ZBTB38: variants seen among roughly 807,000 people sequenced by gnomAD.
ZBTB38 encodes zinc finger and BTB domain-containing protein 38.
Under a neutral mutation model 76.8 loss-of-function variants are expected in ZBTB38, and 20 were observed. That is an observed-to-expected ratio of 0.26 (90% CI 0.18 to 0.38). The LOEUF (loss-of-function observed/expected upper bound fraction) is 0.38. Ranked by LOEUF, ZBTB38 falls within the 10% of genes least tolerant of loss-of-function variation. ZBTB38 has a pLI of 1.00. For missense variants in ZBTB38, 1,082 were observed against 1,482.3 expected (o/e 0.73, Z 4.43); for synonymous variants, 504 against 544.2 (o/e 0.93, Z 1.03).
In ZBTB38 at chr3:141,421,240, A is replaced by G. The variant is rs577791083; in HGVS notation, c.-1+17209A>G. On this transcript the variant is annotated intron_variant, in intron 5 of 5. Transcript: ENST00000321464. Reference sequence around the variant, plus strand: ...ATCTGCCATTTGAGGAGTATGGCATAATAAGCCATGTGGAACCAGGAGTCT... The same window carrying G: ...ATCTGCCATTTGAGGAGTATGGCATGATAAGCCATGTGGAACCAGGAGTCT... 4.6e-5 allele frequency among the ~76,000 whole-genome samples: 7 copies of G among 151,678 alleles called. No homozygotes were observed. The East Asian group carries it at 1.4e-3, about 29-fold the overall frequency.
At chr3:141,377,676 G>A (rs77753509) in intron 2 of ZBTB38, among the ~76,000 whole-genome samples, 3,156 of 152,288 alleles carry the variant, frequency 0.021, 125 homozygotes, top group East Asian at 0.18. Flanking sequence ...AGCTTTATTT[G>A]TAATACCTAA....
chr3:141,342,557 A>G (rs1943229523), intron 1 of ZBTB38, among the ~76,000 whole-genome samples: 1 of 152,136 alleles, frequency 6.6e-6, no homozygotes, highest in Non-Finnish European at 1.5e-5. Flanking sequence ...TGGATTAGGC[A>G]GTTAGGAGAA....
rs1176720927 is a variant in ZBTB38, at chr3:141,447,522, C to T, written c.*1546C>T. ...GAACTCATGATTCTTTTTCAAACTG[C>T]CAGAATAGAAGGGAGAGAGAAAACA... On this transcript the variant is annotated 3_prime_UTR_variant, in exon 6 of 6. Transcript: ENST00000321464. 1 of 152,530 alleles carries T rather than the reference C, an allele frequency of 6.6e-6. No individual in the cohort carries two copies. The highest frequency in any genetic ancestry group is 2.4e-5 in the African/African-American group (1 of 41,386). 9.4% of individuals were successfully genotyped at this position (152,530 alleles called of 1,614,324 possible).
intron 3 of ZBTB38, among the ~76,000 whole-genome samples, chr3:141,382,828 G>A (rs767437730): frequency 6.6e-6 from 1 of 152,182 alleles, no homozygotes; most frequent in African/African-American, 2.4e-5. Context: ...GGGCTCCAAG[G>A]AGATAGAGTC....
intron 5 of ZBTB38, 86 bp downstream of exon 5, chr3:141,404,117 C>A (rs1035776011): frequency 6.6e-6 from 1 of 152,166 alleles, no homozygotes; most frequent in African/African-American, 2.4e-5. Flanking sequence ...TGATTCAAGA[C>A]AGCAATCCAC....
At chr3:141,437,012 A>T (rs992748814) in intron 5 of ZBTB38, among the ~76,000 whole-genome samples, 7 of 152,124 alleles carry the variant, frequency 4.6e-5, no homozygotes, top group African/African-American at 1.7e-4. Flanking sequence ...ACTTTCTGAG[A>T]TCATCCAATG....
chr3:141,365,720 G>T (rs376439771), upstream of ZBTB38, among the ~76,000 whole-genome samples: 66 of 152,118 alleles, frequency 4.3e-4, no homozygotes, highest in Admixed American at 2.0e-3. Flanking sequence ...ATCTAGGGCT[G>T]GTAGGTGGGG....
upstream of ZBTB38, among the ~76,000 whole-genome samples, chr3:141,364,676 T>TAAAAAAAAAA (rs59398877): frequency 4.6e-5 from 2 of 43,440 alleles, no homozygotes; most frequent in African/African-American, 5.8e-5. Context: ...AAACTACATC[T>TAAAAAAAAAA]AAAAAAAAAA....
intron 1 of ZBTB38, among the ~76,000 whole-genome samples, chr3:141,354,532 C>G (rs139501045): frequency 6.6e-6 from 1 of 152,180 alleles, no homozygotes; most frequent in Non-Finnish European, 1.5e-5. Context: ...CAAAAGTTTC[C>G]TCCTAGAAGC....
At chr3:141,389,027 C>A (rs1181037635) in intron 4 of ZBTB38, 1 of 152,182 alleles carries the variant, frequency 6.6e-6, no homozygotes, top group East Asian at 1.9e-4. Context: ...CTTCCCTGAT[C>A]CCTCCGTTGG....
intron 5 of ZBTB38, among the ~76,000 whole-genome samples, chr3:141,432,524 C>T (rs527880902): frequency 1.1e-3 from 160 of 152,288 alleles, no homozygotes; most frequent in Non-Finnish European, 1.5e-3. Context: ...AAAAGGTTTA[C>T]TTAACTCTCC....
At chr3:141,331,278 G>A (rs1212366563) in intron 1 of ZBTB38, among the ~76,000 whole-genome samples, 1 of 152,222 alleles carries the variant, frequency 6.6e-6, no homozygotes, top group Non-Finnish European at 1.5e-5. Context: ...GGGGTGATTG[G>A]GCAAAGTCCT....
At chr3:141,342,219 G>A (rs59722979) in intron 1 of ZBTB38, among the ~76,000 whole-genome samples, 6,268 of 152,030 alleles carry the variant, frequency 0.041, 368 homozygotes, top group African/African-American at 0.13. Context: ...CGGCTACTCA[G>A]GAGGCTGAGG....
At chr3:141,399,003 T>G (rs1577040467) in intron 4 of ZBTB38, among the ~76,000 whole-genome samples, 1 of 152,224 alleles carries the variant, frequency 6.6e-6, no homozygotes, top group East Asian at 1.9e-4. Flanking sequence ...TTGAAGAAAC[T>G]GTAGTTTCCT....
chr3:141,377,637 G>T (rs1324435859), intron 2 of ZBTB38, among the ~76,000 whole-genome samples: 1 of 152,170 alleles, frequency 6.6e-6, no homozygotes, highest in Non-Finnish European at 1.5e-5. Context: ...TTATGTTCAC[G>T]CAATAAACTT....
At chr3:141,401,055 G>T (rs1485643626) in intron 4 of ZBTB38, among the ~76,000 whole-genome samples, 1 of 152,160 alleles carries the variant, frequency 6.6e-6, no homozygotes, top group Non-Finnish European at 1.5e-5. Context: ...GTTTCCAAAA[G>T]TTTCAGTGGA....
intron 5 of ZBTB38, chr3:141,431,632 C>A (rs1022629057): frequency 2.0e-5 from 3 of 152,070 alleles, no homozygotes; most frequent in Non-Finnish European, 4.4e-5. Flanking sequence ...TTGCATCATT[C>A]ATGAATCTGA....
chr3:141,329,411 G>A (rs1942778546), intron 1 of ZBTB38, among the ~76,000 whole-genome samples: 1 of 152,120 alleles, frequency 6.6e-6, no homozygotes, highest in South Asian at 2.1e-4. Flanking sequence ...CCTCGGAGCG[G>A]CACACGTTTA....
At chr3:141,361,534 C>G (rs1407784944) in intron 1 of ZBTB38, among the ~76,000 whole-genome samples, 1 of 152,082 alleles carries the variant, frequency 6.6e-6, no homozygotes, top group Non-Finnish European at 1.5e-5. Flanking sequence ...TGCGTCTGAC[C>G]CATCAACTTC....
Sources: allele counts gnomAD v4.1 joint callset (sites outside exome capture counted in the v4.1 genomes callset), GRCh38; gene constraint gnomAD v4.1.1; transcripts MANE v1.5; gene names NCBI Gene and HGNC (gene_info 2026-07-23, HGNC 2026-07-21).